The following LGMN variants were observed in gnomAD, a reference collection of about 807,000 sequenced individuals.
LGMN encodes the protein legumain.
Under a neutral mutation model 56.8 loss-of-function variants are expected in LGMN, and 36 were observed. The observed-to-expected ratio is 0.63, with a 90% CI of 0.49 to 0.84. The LOEUF (loss-of-function observed/expected upper bound fraction) is 0.84. Among genes scored for constraint, LGMN ranks in the 40% least tolerant of loss-of-function variants. The probability of loss-of-function intolerance (pLI) is 0.00; values close to 1 mark genes in which losing one functional copy is unlikely to be tolerated. For synonymous variants in LGMN, 199 were observed against 210.1 expected (o/e 0.95, Z 0.46); for missense variants, 446 against 556.1 (o/e 0.80, Z 1.99).
At chr14:92,709,384 A>G (rs555659218) in intron 11 of LGMN, among the ~76,000 whole-genome samples, 3 of 152,368 alleles carry the variant, frequency 2.0e-5, no homozygotes, top group African/African-American at 7.2e-5. Flanking sequence ...AACAAGGTAT[A>G]AAAGAGGGAA....
intron 2 of LGMN, among the ~76,000 whole-genome samples, chr14:92,728,008 G>A (rs537654321): frequency 6.6e-6 from 1 of 152,352 alleles, no homozygotes; most frequent in African/African-American, 2.4e-5. Flanking sequence ...CAGCAACACT[G>A]AGTCTATGTA....
At chr14:92,710,047 C>T (rs1889677642) in intron 10 of LGMN, among the ~76,000 whole-genome samples, 175 bp from the exon 11 acceptor site, 1 of 152,134 alleles carries the variant, frequency 6.6e-6, no homozygotes, top group Admixed American at 6.5e-5. Flanking sequence ...CTTTCAGGAC[C>T]ACAGGGCCAC....
intron 2 of LGMN, among the ~76,000 whole-genome samples, chr14:92,727,631 G>A (rs1000423968): frequency 8.6e-5 from 13 of 151,732 alleles, no homozygotes; most frequent in African/African-American, 2.2e-4. Context: ...TTCCCTCCAC[G>A]CGGAAAGAGC....
chr14:92,747,322 C>T (rs890875983), intron 1 of LGMN, among the ~76,000 whole-genome samples: 51 of 151,926 alleles, frequency 3.4e-4, no homozygotes, highest in African/African-American at 1.2e-3. Context: ...GAAACCTCGT[C>T]TCTACTAAAA....
chr14:92,748,116 C>G (rs1319171875), intron 1 of LGMN, among the ~76,000 whole-genome samples: 1 of 152,082 alleles, frequency 6.6e-6, no homozygotes, highest in African/African-American at 2.4e-5. Flanking sequence ...CTGAACTGTT[C>G]CTAGGTCGTA....
intron 2 of LGMN, among the ~76,000 whole-genome samples, chr14:92,719,174 C>CCAG (rs1238717627): frequency 3.2e-5 from 4 of 123,432 alleles, no homozygotes; most frequent in Admixed American, 3.1e-4. Context: ...ACCACCACCA[C>CCAG]CACCACCATC....
intron 1 of LGMN, among the ~76,000 whole-genome samples, chr14:92,744,817 C>T (rs1313373923): frequency 1.3e-5 from 2 of 152,182 alleles, no homozygotes; most frequent in Admixed American, 1.3e-4. Context: ...TGGTCTTGAA[C>T]TCCTGACCTC....
chr14:92,725,969 G>T (rs1331855974), intron 2 of LGMN, among the ~76,000 whole-genome samples: 2 of 151,910 alleles, frequency 1.3e-5, no homozygotes, highest in African/African-American at 4.8e-5. Context: ...GGGCACAGTG[G>T]CTCATACCTG....
At chr14:92,730,913 G>C (rs1891017851) in intron 2 of LGMN, among the ~76,000 whole-genome samples, 1 of 148,526 alleles carries the variant, frequency 6.7e-6, no homozygotes, top group Non-Finnish European at 1.5e-5. Context: ...CTGGGACACA[G>C]AGCAAGACTC....
chr14:92,732,878 C>T (rs866484891), intron 1 of LGMN, 63 bp from the exon 2 acceptor site: 32 of 1,334,316 alleles, frequency 2.4e-5, no homozygotes, highest in Admixed American at 7.0e-5. Context: ...TGGCTGGGCG[C>T]GGTGGCTCAC....
chr14:92,719,116 CCCACCACCACAACCACCG>C (rs1890218778), intron 2 of LGMN, among the ~76,000 whole-genome samples: 2 of 150,822 alleles, frequency 1.3e-5, no homozygotes, highest in South Asian at 2.1e-4. Flanking sequence ...ACATACACAC[CCCACCACCACAACCACCG>C]CCACCGCCAC....
In LGMN at chr14:92,704,642, G is replaced by A; in HGVS notation, c.1257C>T (p.His419=). ...AGCGTCACCGCTGCATTAGTTACCT[G>A]TGAAGCGGATACGGCTTCTCACAAA... is the stretch of plus-strand genomic sequence containing the variant. ...VNLCEKPYPL[H]RIKLSMDHVC... Residue 419 remains histidine, a splice_region_variant and synonymous_variant, in exon 13 of 14, where the codon CAC becomes CAT. Transcript: ENST00000334869. 2 of 1,610,842 alleles carry A rather than the reference G, an allele frequency of 1.2e-6. No individual in the cohort carries two copies. The highest frequency in any genetic ancestry group is 1.7e-6 in the Non-Finnish European group (2 of 1,177,022).
intron 2 of LGMN, among the ~76,000 whole-genome samples, chr14:92,719,305 GCCGCCACCGCCGCCGCCGCCA>G (rs1890312326): frequency 2.1e-4 from 6 of 29,174 alleles, no homozygotes; most frequent in African/African-American, 9.3e-4. Context: ...CGCCGCCACC[GCCGCCACCGCCGCCGCCGCCA>G]CCGCCACCGC....
chr14:92,718,682 T>A (rs1378439406), intron 3 of LGMN, 65 bp downstream of exon 3: 2 of 1,040,226 alleles, frequency 1.9e-6, no homozygotes, highest in Admixed American at 3.4e-5. Context: ...CCTGTGAGTC[T>A]ATGTGACCTT....
At chr14:92,718,660 G>T in intron 3 of LGMN, 87 bp downstream of exon 3, 1 of 791,240 alleles carries the variant, frequency 1.3e-6, no homozygotes, top group Non-Finnish European at 2.2e-6. Context: ...TTAACATTAG[G>T]CCACTAGGAT....
chr14:92,726,199 T>C (rs924966260), intron 2 of LGMN, among the ~76,000 whole-genome samples: 2 of 150,686 alleles, frequency 1.3e-5, no homozygotes, highest in African/African-American at 2.4e-5. Context: ...ATCACGCCAT[T>C]GCACTCCAGG....
At chr14:92,719,311 ACCGCCG>A (rs1212696403) in intron 2 of LGMN, among the ~76,000 whole-genome samples, 27,784 of 76,790 alleles carry the variant, frequency 0.36, 4,493 homozygotes, top group Non-Finnish European at 0.4. Context: ...CACCGCCGCC[ACCGCCG>A]CCGCCGCCAC....
chr14:92,743,253 G>A (rs1325088572), intron 1 of LGMN, among the ~76,000 whole-genome samples: 1 of 152,020 alleles, frequency 6.6e-6, no homozygotes, highest in Non-Finnish European at 1.5e-5. Flanking sequence ...TGTAATCCCA[G>A]CACTTTGGGA....
intron 2 of LGMN, among the ~76,000 whole-genome samples, chr14:92,732,153 C>T (rs576981673): frequency 6.6e-6 from 1 of 152,290 alleles, no homozygotes; most frequent in African/African-American, 2.4e-5. Flanking sequence ...GTTTCCTTAT[C>T]TCTAAAATGA....
Sources: gnomAD v4.1 joint callset for allele counts (sites outside exome capture counted in the v4.1 genomes callset) on GRCh38, gnomAD v4.1.1 for gene constraint, MANE v1.5 for transcripts, NCBI Gene and HGNC (gene_info 2026-07-23, HGNC 2026-07-21) for gene names.